Variants in KCNH5 observed in about 807,000 individuals in gnomAD.
KCNH5 encodes the protein voltage-gated delayed rectifier potassium channel KCNH5.
In KCNH5, 46 loss-of-function variants were observed where a neutral mutation model predicts 96.1. The observed-to-expected ratio is 0.48, with a 90% confidence interval of 0.38 to 0.61. KCNH5 has a LOEUF of 0.61. Ranked by LOEUF, KCNH5 falls within the 20% of genes least tolerant of loss-of-function variation. The pLI is 0.00. For synonymous variants in KCNH5, 439 were observed against 449.8 expected, an observed-to-expected ratio of 0.98 and a Z score of 0.30; for missense variants, 907 against 1,225.8, an observed-to-expected ratio of 0.74 and a Z score of 3.88.
chr14:62,837,737 T>A (rs1887492737), intron 8 of KCNH5, among the ~76,000 whole-genome samples: 1 of 152,220 alleles, frequency 6.6e-6, no homozygotes, highest in Non-Finnish European at 1.5e-5. Context: ...CTGTCTTCTA[T>A]GATTTATCAA....
intron 1 of KCNH5, among the ~76,000 whole-genome samples, chr14:63,025,191 T>C (rs1891502567): frequency 6.6e-6 from 1 of 152,150 alleles, no homozygotes; most frequent in African/African-American, 2.4e-5. Context: ...CATTGTTTCA[T>C]GATTAAAAAC....
chr14:62,853,924 T>C (rs1234134558), intron 7 of KCNH5, among the ~76,000 whole-genome samples: 1 of 150,558 alleles, frequency 6.6e-6, no homozygotes, highest in African/African-American at 2.4e-5. Context: ...GGAGAATCGC[T>C]TGAACCCGGG....
chr14:62,977,250 C>A (rs2139563970), intron 6 of KCNH5, among the ~76,000 whole-genome samples: 1 of 151,864 alleles, frequency 6.6e-6, no homozygotes, highest in Non-Finnish European at 1.5e-5. Context: ...GCCTCTAGTC[C>A]CAGCTGCTGG....
At position 62,763,663 on chromosome 14, in the gene KCNH5, G is replaced by T. The variant is rs540670629; in HGVS notation, c.2019+16065C>A. Among the ~76,000 whole-genome samples the T allele has an allele frequency of 5.3e-5, 8 of 152,140 alleles. No individual in the cohort carries two copies. In the East Asian group the frequency reaches 1.5e-3, roughly 29 times the overall value. On this transcript the variant is annotated intron_variant, in intron 10 of 10. Transcript: ENST00000322893. Reference sequence around the variant, plus strand: ...CTATCCTAACAAAAAAAAGTGAGGGGAAGCTCCAAATAAACACATCAGAAA... The same window carrying T: ...CTATCCTAACAAAAAAAAGTGAGGGTAAGCTCCAAATAAACACATCAGAAA...
chr14:62,769,192 A>G (rs1885932047), intron 10 of KCNH5, among the ~76,000 whole-genome samples: 1 of 152,240 alleles, frequency 6.6e-6, no homozygotes, highest in South Asian at 2.1e-4. Context: ...TGTTGATTTC[A>G]AGCTCAAACG....
chr14:62,710,504 G>C (rs1420115603), intron 10 of KCNH5, among the ~76,000 whole-genome samples: 2 of 152,176 alleles, frequency 1.3e-5, no homozygotes, highest in Non-Finnish European at 2.9e-5. Flanking sequence ...CCAGACACAG[G>C]AACGCAGATA....
intron 7 of KCNH5, among the ~76,000 whole-genome samples, chr14:62,899,047 T>TA (rs922045336): frequency 6.6e-6 from 1 of 152,124 alleles, no homozygotes; most frequent in African/African-American, 2.4e-5. Context: ...ACATTTATTT[T>TA]AAAAAGTGAT....
At chr14:62,995,898 T>C (rs1342321383) in intron 4 of KCNH5, among the ~76,000 whole-genome samples, 1 of 151,796 alleles carries the variant, frequency 6.6e-6, no homozygotes, top group Non-Finnish European at 1.5e-5. Context: ...CAATTTTTGG[T>C]TGGGAAAAAA....
chr14:62,853,494 A>ATG (rs375695583), intron 7 of KCNH5, among the ~76,000 whole-genome samples: 1,349 of 102,104 alleles, frequency 0.013, 40 homozygotes, highest in African/African-American at 0.043. Flanking sequence ...ATATATATAT[A>ATG]ATCTTGGCCA....
At chr14:62,983,409 C>T (rs1002493633) in intron 5 of KCNH5, among the ~76,000 whole-genome samples, 2 of 151,110 alleles carry the variant, frequency 1.3e-5, no homozygotes, top group South Asian at 4.2e-4. Flanking sequence ...TGTATATATA[C>T]ATATATATAC....
chr14:62,922,060 T>C (rs1468505136), intron 7 of KCNH5, among the ~76,000 whole-genome samples: 1 of 152,162 alleles, frequency 6.6e-6, no homozygotes, highest in Non-Finnish European at 1.5e-5. Context: ...CTTATTATCC[T>C]ATGATATAAT....
rs184926996 is a variant in KCNH5 at position 62,772,935 on chromosome 14, A to C, written c.2019+6793T>G. Among the ~76,000 whole-genome samples, 5 of 152,322 alleles carry C rather than the reference A, an allele frequency of 3.3e-5. No individual in the cohort carries two copies. In the East Asian group the frequency reaches 9.7e-4, roughly 29 times the overall value. On this transcript the variant is annotated intron_variant, in intron 10 of 10. Coordinates refer to ENST00000322893, the MANE Select transcript of KCNH5 (RefSeq NM_139318.5). Reference sequence around the variant, plus strand: ...TGAGAGTCCTGTCCACTGACTCTGAACACTGCTTATTGCTTGTTTTGTTTT... The same window carrying C: ...TGAGAGTCCTGTCCACTGACTCTGACCACTGCTTATTGCTTGTTTTGTTTT...
intron 7 of KCNH5, among the ~76,000 whole-genome samples, chr14:62,852,118 T>C (rs1027687851): frequency 1.3e-5 from 2 of 152,194 alleles, no homozygotes; most frequent in Non-Finnish European, 2.9e-5. Flanking sequence ...TACAATGATA[T>C]CTTGATATAA....
intron 10 of KCNH5, among the ~76,000 whole-genome samples, chr14:62,709,536 T>C (rs972426215): frequency 2.0e-5 from 3 of 152,206 alleles, no homozygotes; most frequent in African/African-American, 4.8e-5. Context: ...GAAGTATGTT[T>C]TCCATATGAC....
chr14:62,771,862 A>G (rs1885994639), intron 10 of KCNH5, among the ~76,000 whole-genome samples: 1 of 152,178 alleles, frequency 6.6e-6, no homozygotes, highest in Admixed American at 6.5e-5. Flanking sequence ...TCATGGAGTG[A>G]AAAGACAACA....
chr14:62,988,136 C>G (rs987868091), intron 4 of KCNH5, among the ~76,000 whole-genome samples: 21 of 152,000 alleles, frequency 1.4e-4, no homozygotes, highest in Admixed American at 1.2e-3. Flanking sequence ...TCATTAATCT[C>G]AAGGAAATGT....
At chr14:63,011,360 C>A (rs1891223870) in intron 2 of KCNH5, among the ~76,000 whole-genome samples, 2 of 151,722 alleles carry the variant, frequency 1.3e-5, no homozygotes, top group South Asian at 4.2e-4. Context: ...TGCATGTAAC[C>A]CCATCGACTT....
chr14:62,894,231 C>T (rs575533703), intron 7 of KCNH5, among the ~76,000 whole-genome samples: 1 of 152,208 alleles, frequency 6.6e-6, no homozygotes, highest in South Asian at 2.1e-4. Context: ...TAGAATTGAA[C>T]CTATAATATC....
In KCNH5 at chr14:62,976,953, G is replaced by A. The variant is rs185365713; in HGVS notation, c.942+3919C>T. Among the ~76,000 whole-genome samples the A allele has an allele frequency of 2.6e-5, 4 of 152,228 alleles. No individual in the cohort carries two copies. In the East Asian group the frequency reaches 7.7e-4, roughly 29 times the overall value. ...AACTTTGTGGTTGAATTAGTGATAA[G>A]AACATAGAAAACATAAAATCAGACA... On this transcript the variant is annotated intron_variant, in intron 6 of 10. Transcript: ENST00000322893.
Sources: allele counts gnomAD v4.1 joint callset (sites outside exome capture counted in the v4.1 genomes callset), GRCh38; gene constraint gnomAD v4.1.1; transcripts MANE v1.5; gene names NCBI Gene and HGNC (gene_info 2026-07-23, HGNC 2026-07-21).